The following LDLRAD4 variants were observed in gnomAD, a reference collection of about 807,000 sequenced individuals.
LDLRAD4 encodes the protein low density lipoprotein receptor class A domain containing 4.
A neutral mutation model predicts 17.0 loss-of-function variants in LDLRAD4; 5 were observed. The ratio of observed to expected loss-of-function variants is 0.29; its 90% CI spans 0.15 to 0.62. The LOEUF is 0.62. LDLRAD4 is among the 20% of genes least tolerant of loss of function. LDLRAD4 has a pLI of 0.84. For synonymous variants in LDLRAD4, 168 were observed against 171.8 expected, an observed-to-expected ratio of 0.98 and a Z score of 0.17; for missense variants, 340 against 424.7, an observed-to-expected ratio of 0.80 and a Z score of 1.75.
chr18:13,422,352 T>G (rs1490777765), intron 2 of LDLRAD4, among the ~76,000 whole-genome samples: 2 of 152,186 alleles, frequency 1.3e-5, no homozygotes, highest in Admixed American at 1.3e-4. Flanking sequence ...TAAGGCTTAG[T>G]CATTGCCACT....
chr18:13,505,053 C>T (rs575771352), intron 3 of LDLRAD4, among the ~76,000 whole-genome samples: 3 of 152,282 alleles, frequency 2.0e-5, no homozygotes, highest in East Asian at 1.9e-4. Context: ...CCACACCAGA[C>T]GATGTGCCAG....
chr18:13,376,839 C>T (rs1325787850), intron 1 of LDLRAD4, among the ~76,000 whole-genome samples: 3 of 152,308 alleles, frequency 2.0e-5, no homozygotes, highest in East Asian at 1.9e-4. Context: ...AGCACACGCA[C>T]GGGCCTTCGT....
chr18:13,311,683 G>C (rs998080727), intron 1 of LDLRAD4, among the ~76,000 whole-genome samples: 1 of 152,222 alleles, frequency 6.6e-6, no homozygotes, highest in Non-Finnish European at 1.5e-5. Flanking sequence ...TGGATGTGGA[G>C]GGTATGCCCA....
At chr18:13,606,007 G>A (rs2095220002) in intron 3 of LDLRAD4, among the ~76,000 whole-genome samples, 1 of 152,144 alleles carries the variant, frequency 6.6e-6, no homozygotes, top group South Asian at 2.1e-4. Flanking sequence ...GCTGCTGCTG[G>A]TGGTCTCTGG....
intron 4 of LDLRAD4, 66 bp from the exon 6 acceptor site, chr18:13,643,293 C>A: frequency 9.7e-7 from 1 of 1,029,390 alleles, no homozygotes; most frequent in South Asian, 1.5e-5. Flanking sequence ...TTTTTAGGTG[C>A]GGCGGGGCTA....
chr18:13,362,458 A>G (rs905670191), intron 1 of LDLRAD4: 1 of 152,250 alleles, frequency 6.6e-6, no homozygotes, highest in Non-Finnish European at 1.5e-5. Flanking sequence ...TGCAGCAGCC[A>G]TTTAGGAGTC....
chr18:13,374,124 C>T (rs761011938), intron 1 of LDLRAD4, among the ~76,000 whole-genome samples: 51 of 152,348 alleles, frequency 3.3e-4, no homozygotes, highest in Non-Finnish European at 5.9e-4. Flanking sequence ...CTGATAATTA[C>T]ACGTAAATGT....
At chr18:13,350,266 A>G (rs370044272) in intron 1 of LDLRAD4, among the ~76,000 whole-genome samples, 10 of 152,264 alleles carry the variant, frequency 6.6e-5, no homozygotes, top group African/African-American at 2.4e-4. Context: ...AAGCATTCCT[A>G]TTTCTCCACA....
chr18:13,463,647 A>G (rs1308881951), intron 3 of LDLRAD4, among the ~76,000 whole-genome samples: 1 of 152,128 alleles, frequency 6.6e-6, no homozygotes. Flanking sequence ...ATTCTGAGTA[A>G]CTAACGGCAG....
intron 3 of LDLRAD4, among the ~76,000 whole-genome samples, chr18:13,504,322 A>G (rs1666636539): frequency 1.3e-5 from 2 of 152,264 alleles, no homozygotes; most frequent in South Asian, 2.1e-4. Context: ...CCAGATGAAG[A>G]CCATGGCTTT....
At chr18:13,426,996 C>T (rs754185472) in intron 2 of LDLRAD4, among the ~76,000 whole-genome samples, 9 of 151,832 alleles carry the variant, frequency 5.9e-5, no homozygotes, top group Non-Finnish European at 1.2e-4. Context: ...CCATCCTGGC[C>T]AACATGGTGA....
chr18:13,538,375 T>A (rs1279949026), intron 3 of LDLRAD4, among the ~76,000 whole-genome samples: 4 of 152,196 alleles, frequency 2.6e-5, no homozygotes, highest in Admixed American at 1.3e-4. Flanking sequence ...ATTTTTACTG[T>A]GATTCAATTC....
At chr18:13,566,784 A>C (rs1177424275) in intron 3 of LDLRAD4, among the ~76,000 whole-genome samples, 4 of 152,210 alleles carry the variant, frequency 2.6e-5, no homozygotes, top group Non-Finnish European at 4.4e-5. Flanking sequence ...ACAGTCCCCC[A>C]AAAAGAGAGG....
intron 1 of LDLRAD4, among the ~76,000 whole-genome samples, chr18:13,309,199 C>T (rs1187956631): frequency 6.6e-6 from 1 of 152,188 alleles, no homozygotes; most frequent in Admixed American, 6.5e-5. Context: ...GCCCTGCACA[C>T]CATGGCGTGG....
intron 3 of LDLRAD4, among the ~76,000 whole-genome samples, chr18:13,438,669 T>G (rs549035576): frequency 3.5e-4 from 54 of 152,390 alleles, no homozygotes; most frequent in African/African-American, 1.1e-3. Flanking sequence ...TGATTTAGTA[T>G]TCTTCATACC....
intron 1 of LDLRAD4, among the ~76,000 whole-genome samples, chr18:13,306,954 C>G (rs1187653381): frequency 2.6e-5 from 4 of 152,116 alleles, no homozygotes; most frequent in Non-Finnish European, 5.9e-5. Flanking sequence ...ACTTCCAAAC[C>G]AGGGCCAGGT....
chr18:13,358,831 TACTG>T (rs1380385015), intron 1 of LDLRAD4, among the ~76,000 whole-genome samples: 1 of 152,208 alleles, frequency 6.6e-6, no homozygotes, highest in Non-Finnish European at 1.5e-5. Context: ...TTCAGAAAGA[TACTG>T]GGTGGCTAGA....
At chr18:13,642,668 C>G in intron 4 of LDLRAD4, 1 of 1,231,466 alleles carries the variant, frequency 8.1e-7, no homozygotes, top group Admixed American at 4.2e-5. Context: ...CGGGCCACCT[C>G]TGCCAGGGCT....
intron 3 of LDLRAD4, among the ~76,000 whole-genome samples, chr18:13,456,673 A>G (rs990625113): frequency 6.6e-6 from 1 of 152,244 alleles, no homozygotes; most frequent in Admixed American, 6.5e-5. Flanking sequence ...ACACAAATCC[A>G]TCAGATACAC....
Sources: gnomAD v4.1 joint callset for allele counts (sites outside exome capture counted in the v4.1 genomes callset) on GRCh38, gnomAD v4.1.1 for gene constraint, MANE v1.5 for transcripts, NCBI Gene and HGNC (gene_info 2026-07-23, HGNC 2026-07-21) for gene names.